Variants in UNC119B observed in about 807,000 individuals in gnomAD.
The protein encoded by UNC119B is unc-119 lipid binding chaperone B, also known as protein unc-119 homolog B.
UNC119B carries 16 observed loss-of-function variants against 23.4 expected under a neutral mutation model. The ratio of observed to expected loss-of-function variants is 0.68; its 90% CI spans 0.46 to 1.04. The LOEUF is 1.04. UNC119B is among the 50% of genes least tolerant of loss of function. The pLI is 0.00. For synonymous variants in UNC119B, 144 were observed against 145.4 expected (o/e 0.99, Z 0.07); for missense variants, 350 against 361.3 (o/e 0.97, Z 0.25).
chr12:120,711,197 C>T (rs1005854359), intron 1 of UNC119B: 2 of 153,062 alleles, frequency 1.3e-5, no homozygotes, highest in African/African-American at 4.8e-5. Flanking sequence ...CAGCCCTCCC[C>T]CATTGCAGCC....
At position 120,716,688 on chromosome 12, in the gene UNC119B, TC is replaced by T; in HGVS notation, c.421del (p.Arg141AlafsTer32). 15 of 1,614,216 alleles carry T rather than the reference TC, an allele frequency of 9.3e-6. No homozygotes were observed. Among genetic ancestry groups the T allele is most frequent in the Non-Finnish European group, 1.2e-5 (14 of 1,180,036 alleles). ...GDVDISAGRFVRYQFTPAFLR... is the reference protein window; with the variant it reads ...GDVDISAGRFXRYQFTPAFLR... ...GTGGACATCAGCGCAGGACGTTTTG[TC>T]CGCTATCAGTTCACACCGGCATTTC... is the stretch of plus-strand genomic sequence containing the variant. On this transcript the variant is annotated frameshift_variant, in exon 3 of 5. Coordinates refer to ENST00000344651, the MANE Select transcript of UNC119B (RefSeq NM_001080533.3). LOFTEE classifies it high-confidence loss of function.
At chr12:120,718,668 G>T (rs545259369) in intron 4 of UNC119B, among the ~76,000 whole-genome samples, 2 of 152,316 alleles carry the variant, frequency 1.3e-5, no homozygotes, top group South Asian at 4.1e-4. Context: ...AGCCACCTCA[G>T]GTTCGCATCC....
chr12:120,717,730 T>C (rs1265634133), intron 4 of UNC119B, among the ~76,000 whole-genome samples: 1 of 148,186 alleles, frequency 6.7e-6, no homozygotes, highest in Non-Finnish European at 1.5e-5. Context: ...GCCCGGCTAA[T>C]TTTTTGTATT....
intron 4 of UNC119B, among the ~76,000 whole-genome samples, chr12:120,719,695 T>C (rs1882848589): frequency 6.6e-6 from 1 of 152,124 alleles, no homozygotes; most frequent in South Asian, 2.1e-4. Flanking sequence ...GTTGATTGCA[T>C]CCTTATGTTG....
intron 2 of UNC119B, among the ~76,000 whole-genome samples, chr12:120,715,469 G>A (rs901185741): frequency 2.0e-5 from 3 of 149,496 alleles, no homozygotes; most frequent in African/African-American, 7.4e-5. Context: ...ATCCTCACTG[G>A]ACACTGGAGG....
Position 120,716,867 on chromosome 12 carries a change from C to T in UNC119B, c.471-3C>T, listed in dbSNP as rs1205707679. On this transcript the variant is annotated splice_polypyrimidine_tract_variant and splice_region_variant and intron_variant, in intron 3 of 4. Coordinates refer to ENST00000344651, the MANE Select transcript of UNC119B (RefSeq NM_001080533.3). ...GTCGGGCTTACAGAGATTTATTTTC[C>T]AGGGTGGAGTTCACAGTGGGAGACA... The T allele has an allele frequency of 6.2e-7, 1 of 1,607,258 alleles. No individual in the cohort carries two copies. Among genetic ancestry groups the T allele is most frequent in the Admixed American group, 1.7e-5 (1 of 59,764 alleles).
chr12:120,716,548 T>C (rs1882783068), intron 2 of UNC119B, 80 bp from the exon 3 acceptor site: 10 of 1,448,180 alleles, frequency 6.9e-6, no homozygotes, highest in Non-Finnish European at 8.7e-6. Flanking sequence ...TGGTTGCCAT[T>C]GTGCTGTTGG....
intron 2 of UNC119B, among the ~76,000 whole-genome samples, chr12:120,715,822 C>A (rs886976287): frequency 4.6e-5 from 7 of 152,124 alleles, no homozygotes; most frequent in Admixed American, 4.6e-4. Context: ...CATGAGCCAC[C>A]GTGCCCAGCC....
rs763454839 is a variant in UNC119B at position 120,721,974 on chromosome 12, C to G, written c.*1942C>G. On this transcript the variant is annotated 3_prime_UTR_variant, in exon 5 of 5. Transcript: ENST00000344651. Reference sequence around the variant, plus strand: ...TGTTCCTGTCAAGCGTAACAACAATCCCTTCTCTCTTTGACAGAGGCCCAG... The same window carrying G: ...TGTTCCTGTCAAGCGTAACAACAATGCCTTCTCTCTTTGACAGAGGCCCAG... 2 of 152,650 alleles carry G rather than the reference C, an allele frequency of 1.3e-5. No individual in the cohort carries two copies. Among genetic ancestry groups the G allele is most frequent in the Non-Finnish European group, 2.9e-5 (2 of 68,054 alleles). 9.5% of individuals were successfully genotyped at this position (152,650 alleles called of 1,614,324 possible).
chr12:120,720,878 C>T lies in UNC119B; in HGVS notation c.*846C>T, dbSNP rs182422380. ...TGTTTTTTTATTTCCAGACTTCTTT[C>T]GGGGAGGTTTTATAAAATGACAGTG... On this transcript the variant is annotated 3_prime_UTR_variant, in exon 5 of 5. Coordinates refer to ENST00000344651, the MANE Select transcript of UNC119B (RefSeq NM_001080533.3). 6.6e-5 allele frequency: 10 copies of T among 152,272 alleles called. No individual in the cohort carries two copies. Among genetic ancestry groups the T allele is most frequent in the African/African-American group, 1.9e-4 (8 of 41,548 alleles). 9.4% of individuals were successfully genotyped at this position (152,272 alleles called of 1,614,324 possible). A position where few individuals can be genotyped will look rare whatever the true frequency, so the allele number is the denominator to read the frequency against.
At chr12:120,712,180 C>T (rs781741564) in intron 1 of UNC119B, among the ~76,000 whole-genome samples, 2 of 152,206 alleles carry the variant, frequency 1.3e-5, no homozygotes, top group Non-Finnish European at 2.9e-5. Flanking sequence ...AAACCCACCT[C>T]TGCAGCTTCT....
chr12:120,716,020 A>G (rs991189993), intron 2 of UNC119B, among the ~76,000 whole-genome samples: 1 of 152,242 alleles, frequency 6.6e-6, no homozygotes, highest in Non-Finnish European at 1.5e-5. Flanking sequence ...CTGTAGGTCA[A>G]TGTCTTCTAT....
chr12:120,713,749 G>T (rs1241467181), intron 2 of UNC119B, among the ~76,000 whole-genome samples: 1 of 152,208 alleles, frequency 6.6e-6, no homozygotes, highest in African/African-American at 2.4e-5. Context: ...TTACCATGTT[G>T]CCTCCAGTTG....
chr12:120,713,265 T>C lies in UNC119B; in HGVS notation c.245-9T>C. The C allele has an allele frequency of 1.2e-5, 7 of 598,536 alleles. No individual in the cohort carries two copies. The highest frequency in any genetic ancestry group is 1.6e-5 in the Non-Finnish European group (7 of 429,270). 37.1% of individuals were successfully genotyped at this position (598,536 alleles called of 1,614,324 possible). A position where few individuals can be genotyped will look rare whatever the true frequency, so the allele number is the denominator to read the frequency against. Reference sequence around the variant, plus strand: ...TTTAACAGTGTTGGTTTCTCTCTCTTGTTTTCAGATTATTTATGTAAACCC... The same window carrying C: ...TTTAACAGTGTTGGTTTCTCTCTCTCGTTTTCAGATTATTTATGTAAACCC... On this transcript the variant is annotated splice_polypyrimidine_tract_variant and intron_variant, in intron 1 of 4. Coordinates refer to ENST00000344651, the MANE Select transcript of UNC119B (RefSeq NM_001080533.3).
Position 120,720,257 on chromosome 12 carries a change from G to T in UNC119B, c.*225G>T. Reference sequence around the variant, plus strand: ...TTTTCCTGCCCCGTAGGTTGCAGAGGTACTATAGTAAAGTAAAAGGTTAGG... The same window carrying T: ...TTTTCCTGCCCCGTAGGTTGCAGAGTTACTATAGTAAAGTAAAAGGTTAGG... On this transcript the variant is annotated 3_prime_UTR_variant, in exon 5 of 5. Transcript: ENST00000344651. 1.9e-6 allele frequency: 1 copy of T among 532,338 alleles called. No individual in the cohort carries two copies. The highest frequency in any genetic ancestry group is 3.3e-6 in the Non-Finnish European group (1 of 301,522). 33.0% of individuals were successfully genotyped at this position (532,338 alleles called of 1,614,324 possible). A position where few individuals can be genotyped will look rare whatever the true frequency, so the allele number is the denominator to read the frequency against.
At chr12:120,710,742 C>T (rs1882645638) in intron 1 of UNC119B, 24 bp downstream of exon 1, 3 of 1,327,978 alleles carry the variant, frequency 2.3e-6, no homozygotes, top group South Asian at 3.8e-5. Flanking sequence ...GGGCCGCGCC[C>T]TCCCCTCGCG....
chr12:120,719,353 G>T (rs967747029), intron 4 of UNC119B, among the ~76,000 whole-genome samples: 3 of 152,242 alleles, frequency 2.0e-5, no homozygotes, highest in Admixed American at 2.0e-4. Flanking sequence ...AAGACAGGCA[G>T]ACCTATTGCT....
rs963505750 is a variant in UNC119B at position 120,710,589 on chromosome 12, A to C, written c.115A>C (p.Lys39Gln). 1 of 1,427,776 alleles carries C rather than the reference A, an allele frequency of 7.0e-7. No individual in the cohort carries two copies. The highest frequency in any genetic ancestry group is 9.1e-7 in the Non-Finnish European group (1 of 1,096,096). The allele number at this position is 1,427,776 out of a possible 1,614,324, so 88.4% of individuals were successfully genotyped here. ...GGGCGGCGGCGTCCTGAACCGCCTGAAGGCGCGGCGGCAGGCGCCCCACCA... is the reference window on the plus strand; with the variant it reads ...GGGCGGCGGCGTCCTGAACCGCCTGCAGGCGCGGCGGCAGGCGCCCCACCA... ...KAGGGVLNRLKARRQAPHHAA... is the reference protein window; with the variant it reads ...KAGGGVLNRLQARRQAPHHAA... Residue 39 changes from lysine to glutamine, a missense_variant, in exon 1 of 5, where the codon AAG becomes CAG. By Grantham distance (53) the Lys-to-Gln change is moderately conservative. Coordinates refer to ENST00000344651, the MANE Select transcript of UNC119B (RefSeq NM_001080533.3).
At chr12:120,710,834 C>G (rs1179068760) in intron 1 of UNC119B, 116 bp downstream of exon 1, 5 of 1,070,188 alleles carry the variant, frequency 4.7e-6, no homozygotes, top group Admixed American at 4.5e-5. Flanking sequence ...CTCGGCCGGC[C>G]GGGCCGCGCT....
Sources: gnomAD v4.1 joint callset for allele counts (sites outside exome capture counted in the v4.1 genomes callset) on GRCh38, gnomAD v4.1.1 for gene constraint, MANE v1.5 for transcripts, NCBI Gene and HGNC (gene_info 2026-07-23, HGNC 2026-07-21) for gene names.